Variants in ADAMTSL1 observed in about 807,000 individuals in gnomAD.
The protein encoded by ADAMTSL1 is ADAMTS-like protein 1.
A neutral mutation model predicts 201.8 loss-of-function variants in ADAMTSL1; 126 were observed. The ratio of observed to expected loss-of-function variants is 0.62; its 90% confidence interval spans 0.54 to 0.72. The LOEUF (loss-of-function observed/expected upper bound fraction) is 0.72, where lower values mean the gene tolerates loss of function less well. ADAMTSL1 is among the 30% of genes least tolerant of loss of function. The pLI is 0.00. For missense variants in ADAMTSL1, 2,679 were observed against 2,277.8 expected (o/e 1.18, Z -3.59); for synonymous variants, 1,121 against 903.4 (o/e 1.24, Z -4.32).
chr9:17,947,509 T>G (rs762805876), intron 1 of ADAMTSL1, among the ~76,000 whole-genome samples: 1 of 152,162 alleles, frequency 6.6e-6, no homozygotes, highest in Non-Finnish European at 1.5e-5. Context: ...TTGTTTTGTA[T>G]TTGTATCACA....
intron 1 of ADAMTSL1, among the ~76,000 whole-genome samples, chr9:18,066,951 C>A (rs1180753999): frequency 3.3e-5 from 5 of 151,920 alleles, no homozygotes; most frequent in African/African-American, 1.2e-4. Context: ...AACACATGGA[C>A]ACAGGAAGGG....
intron 2 of ADAMTSL1, among the ~76,000 whole-genome samples, chr9:18,512,228 C>A (rs1230797200): frequency 6.6e-6 from 1 of 152,052 alleles, no homozygotes; most frequent in East Asian, 1.9e-4. Context: ...GGTCATATAT[C>A]TTAGGGGGGT....
At chr9:18,276,823 C>T (rs144893314) in intron 2 of ADAMTSL1, among the ~76,000 whole-genome samples, 1 of 152,280 alleles carries the variant, frequency 6.6e-6, no homozygotes, top group East Asian at 1.9e-4. Flanking sequence ...CCAAGCTATT[C>T]ATGGAAGACC....
intron 4 of ADAMTSL1, among the ~76,000 whole-genome samples, chr9:18,597,031 C>G (rs1476996967): frequency 6.6e-6 from 1 of 152,120 alleles, no homozygotes; most frequent in African/African-American, 2.4e-5. Context: ...AGATTGAGAA[C>G]TTCTTACTAG....
intron 11 of ADAMTSL1, 110 bp from the exon 12 acceptor site, chr9:18,681,702 G>GGGGGA: frequency 3.9e-6 from 2 of 507,916 alleles, no homozygotes; most frequent in Middle Eastern, 6.6e-4. Context: ...TCGTGTGGGG[G>GGGGGA]GGGGGGGCGG....
chr9:18,353,917 TAA>T (rs1269672192), intron 2 of ADAMTSL1, among the ~76,000 whole-genome samples: 2 of 151,982 alleles, frequency 1.3e-5, no homozygotes, highest in African/African-American at 2.4e-5. Context: ...AAAGAAAAAT[TAA>T]AAGTCGTAAT....
At chr9:18,776,191 G>T (rs1044720384) in intron 18 of ADAMTSL1, among the ~76,000 whole-genome samples, 3 of 150,608 alleles carry the variant, frequency 2.0e-5, no homozygotes, top group Non-Finnish European at 4.4e-5. Context: ...TACTAATGAT[G>T]TCTAATGTTA....
intron 2 of ADAMTSL1, among the ~76,000 whole-genome samples, chr9:18,234,800 A>G (rs1038160709): frequency 6.6e-6 from 1 of 152,226 alleles, no homozygotes; most frequent in Non-Finnish European, 1.5e-5. Context: ...CCTCTGTCTC[A>G]CCATTGCATT....
intron 1 of ADAMTSL1, among the ~76,000 whole-genome samples, chr9:18,111,612 G>T (rs1825013372): frequency 6.6e-6 from 1 of 152,126 alleles, no homozygotes; most frequent in African/African-American, 2.4e-5. Flanking sequence ...TTAAAAATAT[G>T]CACAAGACAT....
At position 18,193,300 on chromosome 9, in the gene ADAMTSL1, G is replaced by C. The variant is rs149510773; in HGVS notation, c.207+29319G>C. Among the ~76,000 whole-genome samples, 516 of 152,234 alleles carry C rather than the reference G, an allele frequency of 3.4e-3. 5 individuals are homozygous for C. The highest frequency in any genetic ancestry group is 0.012 in the African/African-American group (499 of 41,552). ...ATCAACATAGAATGCAAGTTGACTA[G>C]GAATGGGGAAGAATCATATAGAAAT... On this transcript the variant is annotated intron_variant, in intron 2 of 29. Transcript: ENST00000680146.
At chr9:18,725,182 A>G (rs1817797793) in intron 15 of ADAMTSL1, among the ~76,000 whole-genome samples, 1 of 152,178 alleles carries the variant, frequency 6.6e-6, no homozygotes, top group Non-Finnish European at 1.5e-5. Flanking sequence ...CTGGGATTAC[A>G]GGCGTGAGCC....
In ADAMTSL1 at chr9:18,706,822, G is replaced by C; in HGVS notation, c.1650G>C (p.Gln550His). The change falls in exon 14 of 29, where the codon CAG becomes CAC. Residue 550 changes from glutamine (Q) to histidine (H), a missense_variant. Coordinates refer to ENST00000380548, the MANE Select transcript of ADAMTSL1 (RefSeq NM_001040272.6). ...VGTQVRIVRC[Q>H]VLLSFSQSVA... ...CCCAGGTGCGAATAGTCAGGTGCCAGGTGCTCCTGTCTTTCTCTCAGTCCG... is the reference window on the plus strand; with the variant it reads ...CCCAGGTGCGAATAGTCAGGTGCCACGTGCTCCTGTCTTTCTCTCAGTCCG... 1.9e-6 allele frequency: 3 copies of C among 1,611,092 alleles called. No homozygotes were observed. The highest frequency in any genetic ancestry group is 2.2e-5 in the South Asian group (2 of 90,464).
chr9:18,775,841 CCCG>C lies in ADAMTSL1; in HGVS notation c.2499_2501del (p.Pro834del), dbSNP rs747698678. ...CAACGGTTGTCAATTCCACCCTGTG[CCCG>C]CCCCTGCCTTTCTCTTCCTCCATCA... On this transcript the variant is annotated inframe_deletion, in exon 18 of 29. Coordinates refer to ENST00000380548, the MANE Select transcript of ADAMTSL1 (RefSeq NM_001040272.6). 1 of 1,605,470 alleles carries C rather than the reference CCCG, an allele frequency of 6.2e-7. No homozygotes were observed. Among genetic ancestry groups the C allele is most frequent in the South Asian group, 1.1e-5 (1 of 89,190 alleles).
chr9:18,577,213 C>T (rs760326611), intron 4 of ADAMTSL1, among the ~76,000 whole-genome samples: 5 of 152,130 alleles, frequency 3.3e-5, no homozygotes, highest in East Asian at 1.9e-4. Flanking sequence ...GGGCCAGGCA[C>T]GGTGTCTCAT....
At chr9:18,099,326 A>AATATATATATATATAT (rs71333027) in intron 1 of ADAMTSL1, among the ~76,000 whole-genome samples, 24 of 57,578 alleles carry the variant, frequency 4.2e-4, no homozygotes, top group Admixed American at 6.6e-4. Flanking sequence ...GCAAATGGAA[A>AATATATATATATATAT]ATATATATAT....
rs552561538 is a variant in ADAMTSL1, at chr9:18,390,170, C to T, written c.208-114659C>T. 1.3e-4 allele frequency among the ~76,000 whole-genome samples: 20 copies of T among 152,112 alleles called. No homozygotes were observed. The South Asian group carries it at 2.5e-3, about 19-fold the overall frequency. ...AATTTGGCTCTAGATTTTCTAGCAG[C>T]TAATATAGGGCAGGAAGGGGAGTTA... On this transcript the variant is annotated intron_variant, in intron 2 of 29. Coordinates refer to the ADAMTSL1 transcript ENST00000680146.
At chr9:18,722,122 A>G (rs1833426698) in intron 15 of ADAMTSL1, among the ~76,000 whole-genome samples, 1 of 149,586 alleles carries the variant, frequency 6.7e-6, no homozygotes, top group South Asian at 2.1e-4. Context: ...ATGCAGATTC[A>G]TCGTAGCATG....
intron 2 of ADAMTSL1, among the ~76,000 whole-genome samples, chr9:18,394,935 T>A (rs1381877815): frequency 6.6e-6 from 1 of 152,234 alleles, no homozygotes; most frequent in African/African-American, 2.4e-5. Flanking sequence ...TGGAGATGTG[T>A]CTGTTGACTT....
In ADAMTSL1 at chr9:18,655,806, T is replaced by TAAAAA. The variant is rs56662538; in HGVS notation, c.835-1806_835-1802dup. Reference sequence around the variant, plus strand: ...AGAGAGCTAGAGGCTTTTGTGAGCTTAAAAAAAAAAAAAAAAAAAAAAAAA... The same window carrying TAAAAA: ...AGAGAGCTAGAGGCTTTTGTGAGCTTAAAAAAAAAAAAAAAAAAAAAAAAAAAAAA... On this transcript the variant is annotated intron_variant, in intron 7 of 28. Coordinates refer to ENST00000380548, the MANE Select transcript of ADAMTSL1 (RefSeq NM_001040272.6). Among the ~76,000 whole-genome samples, 379 of 81,842 alleles carry TAAAAA rather than the reference T, an allele frequency of 4.6e-3. 21 individuals carry two copies. The highest frequency in any genetic ancestry group is 0.015 in the African/African-American group (231 of 15,098). The allele number at this position is 81,842 out of a possible 152,430, so 53.7% of individuals were successfully genotyped here.
Sources: gnomAD v4.1 joint callset for allele counts (sites outside exome capture counted in the v4.1 genomes callset) on GRCh38, gnomAD v4.1.1 for gene constraint, MANE v1.5 for transcripts, NCBI Gene and HGNC (gene_info 2026-07-23, HGNC 2026-07-21) for gene names.